PKP2: variants seen among roughly 807,000 people sequenced by gnomAD.
The protein encoded by PKP2 is plakophilin 2, also known as plakophilin-2.
Under a neutral mutation model 83.4 loss-of-function variants are expected in PKP2, and 73 were observed. That is an observed-to-expected ratio of 0.88 (90% CI 0.72 to 1.06). PKP2 has a LOEUF of 1.06. PKP2 is among the 50% of genes least tolerant of loss of function. The pLI, the probability that PKP2 is intolerant of heterozygous loss-of-function variation, is 0.00. For missense variants in PKP2, 966 were observed against 1,065.4 expected (o/e 0.91, Z 1.30); for synonymous variants, 409 against 430.4 (o/e 0.95, Z 0.62).
chr12:32,804,222 T>C (rs1187207037), intron 9 of PKP2, among the ~76,000 whole-genome samples: 1 of 152,214 alleles, frequency 6.6e-6, no homozygotes, highest in Non-Finnish European at 1.5e-5. Flanking sequence ...CTGGGTCCTT[T>C]AGGGATGAGG....
intron 4 of PKP2, among the ~76,000 whole-genome samples, chr12:32,851,348 T>C (rs893534513): frequency 2.0e-5 from 3 of 152,160 alleles, no homozygotes; most frequent in African/African-American, 7.2e-5. Flanking sequence ...TAATCCAAAA[T>C]TACGTAAGTT....
At chr12:32,814,880 G>A (rs1956306213) in intron 9 of PKP2, among the ~76,000 whole-genome samples, 1 of 151,690 alleles carries the variant, frequency 6.6e-6, no homozygotes, top group Non-Finnish European at 1.5e-5. Context: ...AGCTGAGATC[G>A]TGCCACTGGA....
chr12:32,821,844 G>T (rs938717553), intron 8 of PKP2: 7 of 349,130 alleles, frequency 2.0e-5, no homozygotes, highest in African/African-American at 4.2e-5. Flanking sequence ...AGCTAAATTA[G>T]TCACAACCAC....
chr12:32,821,585 T>C, intron 8 of PKP2, 56 bp from the exon 9 acceptor site: 1 of 1,550,490 alleles, frequency 6.4e-7, no homozygotes, highest in Non-Finnish European at 8.9e-7. Flanking sequence ...TGGCTATAAT[T>C]TCACACTCAA....
At chr12:32,857,557 T>C (rs1956760786) in intron 4 of PKP2, among the ~76,000 whole-genome samples, 1 of 152,214 alleles carries the variant, frequency 6.6e-6, no homozygotes, top group East Asian at 1.9e-4. Flanking sequence ...TTGATCTCTA[T>C]GTCCAAATTA....
Position 32,846,761 on chromosome 12 carries a change from A to AG in PKP2, c.1378+4004_1378+4005insC, listed in dbSNP as rs569789144. 1.1e-4 allele frequency among the ~76,000 whole-genome samples: 17 copies of AG among 151,202 alleles called. 1 individual carries two copies. The South Asian group carries it at 3.6e-3, about 32-fold the overall frequency. On this transcript the variant is annotated intron_variant, in intron 5 of 12. Transcript: ENST00000340811. ...ACTTCTTCTCAAAAAAAAAAAAAAA[A>AG]AAGAAGAGAGAGGAAGGGTGTCAGA...
At chr12:32,794,751 T>C (rs761442319) in intron 11 of PKP2, among the ~76,000 whole-genome samples, 4 of 152,246 alleles carry the variant, frequency 2.6e-5, no homozygotes, top group Non-Finnish European at 4.4e-5. Flanking sequence ...GCAACTCTAA[T>C]ACTATCTGCC....
In PKP2 at chr12:32,811,646, C is replaced by T. The variant is rs536226406; in HGVS notation, c.2014-9090G>A. Among the ~76,000 whole-genome samples, 56 of 152,334 alleles carry T rather than the reference C, an allele frequency of 3.7e-4. 1 individual carries two copies. Among genetic ancestry groups the T allele is most frequent in the African/African-American group, 1.3e-3 (56 of 41,574 alleles). On this transcript the variant is annotated intron_variant, in intron 9 of 12. Coordinates refer to ENST00000340811, the MANE Select transcript of PKP2 (RefSeq NM_001005242.3). Reference sequence around the variant, plus strand: ...CGTGGACAGATCCGCACTTTCAATACATGATCAAAATCTTCATGTTTGGCT... The same window carrying T: ...CGTGGACAGATCCGCACTTTCAATATATGATCAAAATCTTCATGTTTGGCT...
intron 5 of PKP2, among the ~76,000 whole-genome samples, chr12:32,847,681 CTTTGCCAGGAA>C (rs1956659148): frequency 6.6e-6 from 1 of 152,236 alleles, no homozygotes; most frequent in African/African-American, 2.4e-5. Flanking sequence ...GTGATGCTCA[CTTTGCCAGGAA>C]TAACTTTCAT....
At chr12:32,793,613 CTTTTTTTTT>C (rs35990527) in intron 11 of PKP2, among the ~76,000 whole-genome samples, 6 of 76,732 alleles carry the variant, frequency 7.8e-5, no homozygotes, top group African/African-American at 1.7e-4. Flanking sequence ...TCATATTCTG[CTTTTTTTTT>C]TTTTTTTTTT....
At chr12:32,883,990 T>C (rs1407525596) in intron 1 of PKP2, among the ~76,000 whole-genome samples, 3 of 152,172 alleles carry the variant, frequency 2.0e-5, no homozygotes, top group Non-Finnish European at 2.9e-5. Flanking sequence ...TGACCTTCCT[T>C]TGAATTAGGT....
chr12:32,866,549 T>TG (rs1295385737), intron 4 of PKP2, among the ~76,000 whole-genome samples: 4 of 41,872 alleles, frequency 9.6e-5, no homozygotes, highest in African/African-American at 5.8e-4. Flanking sequence ...AGATCCTTTC[T>TG]CAAAAAAAAA....
intron 4 of PKP2, chr12:32,863,439 T>A: frequency 4.6e-6 from 1 of 218,732 alleles, no homozygotes. Context: ...GGATTTAAAC[T>A]AATGAAACAA....
Position 32,877,860 on chromosome 12 carries a change from A to T in PKP2, c.1020T>A (p.Thr340=), listed in dbSNP as rs1956944980. 1 of 1,612,926 alleles carries T rather than the reference A, an allele frequency of 6.2e-7. No individual in the cohort carries two copies. Among genetic ancestry groups the T allele is most frequent in the African/African-American group, 1.3e-5 (1 of 74,914 alleles). Residue 340 remains threonine (T), a synonymous_variant, in exon 3 of 13, where the codon ACT becomes ACA. Transcript: ENST00000340811. ...AGGGGACTTACCCCAGCTGGGAGTC[A>T]GTGAAAGTGCTTCTCTCAGTGAGCA... ...GNLLTERSTF[T]DSQLGNADME...
intron 10 of PKP2, among the ~76,000 whole-genome samples, chr12:32,797,102 G>C (rs1956133000): frequency 6.6e-6 from 1 of 151,932 alleles, no homozygotes; most frequent in Non-Finnish European, 1.5e-5. Context: ...AAATAATTAT[G>C]TTAATAGTGT....
intron 4 of PKP2, among the ~76,000 whole-genome samples, chr12:32,867,368 G>A (rs763416827): frequency 8.5e-5 from 13 of 152,164 alleles, no homozygotes; most frequent in Non-Finnish European, 1.8e-4. Flanking sequence ...GTTTTGGGAG[G>A]CTGTTCGTAG....
chr12:32,824,886 C>T (rs142733564), intron 6 of PKP2, among the ~76,000 whole-genome samples: 285 of 152,220 alleles, frequency 1.9e-3, no homozygotes, highest in African/African-American at 6.6e-3. Flanking sequence ...AGAAATGAAA[C>T]TTATCAAATA....
At chr12:32,845,021 T>C (rs981001846) in intron 5 of PKP2, among the ~76,000 whole-genome samples, 7 of 152,214 alleles carry the variant, frequency 4.6e-5, no homozygotes, top group African/African-American at 1.7e-4. Flanking sequence ...AGTGTCTTAA[T>C]GTCTACTAGT....
intron 4 of PKP2, among the ~76,000 whole-genome samples, chr12:32,861,627 A>G (rs1956798970): frequency 6.6e-6 from 1 of 152,198 alleles, no homozygotes; most frequent in Admixed American, 6.5e-5. Flanking sequence ...GAGGAATAGA[A>G]AAACTGTGAA....
Sources: allele counts gnomAD v4.1 joint callset (sites outside exome capture counted in the v4.1 genomes callset), GRCh38; gene constraint gnomAD v4.1.1; transcripts MANE v1.5; gene names NCBI Gene and HGNC (gene_info 2026-07-23, HGNC 2026-07-21).